Variants in RTKN2 observed in about 807,000 individuals in gnomAD.
RTKN2 encodes rhotekin 2.
A neutral mutation model predicts 71.5 loss-of-function variants in RTKN2; 69 were observed. That is an observed-to-expected ratio of 0.96 (90% CI 0.79 to 1.18). The LOEUF is 1.18. Among genes scored for constraint, RTKN2 ranks in the 50% most tolerant of loss-of-function variants. The pLI, the probability that RTKN2 is intolerant of heterozygous loss-of-function variation, is 0.00. For missense variants in RTKN2, 724 were observed against 719.7 expected, an observed-to-expected ratio of 1.01 and a Z score of -0.07; for synonymous variants, 236 against 236.5, an observed-to-expected ratio of 1.00 and a Z score of 0.02.
In RTKN2 at chr10:62,254,874, C is replaced by A. The variant is rs1194679466; in HGVS notation, c.257+7751G>T. ...GTCCTAGGTACTTGGGAGGCTGAGG[C>A]AGGAAGATCACTTGAACCCAGAAGT... On this transcript the variant is annotated intron_variant, in intron 2 of 11. Coordinates refer to ENST00000373789, the MANE Select transcript of RTKN2 (RefSeq NM_145307.4). Among the ~76,000 whole-genome samples, 3 of 152,062 alleles carry A rather than the reference C, an allele frequency of 2.0e-5. No homozygotes were observed. The East Asian group carries it at 5.8e-4, about 29-fold the overall frequency.
rs35517716 is a variant in RTKN2, at chr10:62,187,277, CA to C, written c.862-2891del. On this transcript the variant is annotated intron_variant, in intron 8 of 8. Coordinates refer to the RTKN2 transcript ENST00000315289. ...GGAACACTTTTGGCATCACAAATCA[CA>C]AAAAAAAAAAAAAGAAAAAACATAG... Among the ~76,000 whole-genome samples the C allele has an allele frequency of 2.2e-3, 261 of 120,172 alleles. 2 individuals carry two copies. Among genetic ancestry groups the C allele is most frequent in the East Asian group, 3.4e-3 (13 of 3,780 alleles). 78.8% of individuals were successfully genotyped at this position (120,172 alleles called of 152,430 possible).
chr10:62,189,037 T>C (rs1044704776), downstream of RTKN2, among the ~76,000 whole-genome samples: 4 of 148,914 alleles, frequency 2.7e-5, no homozygotes, highest in East Asian at 2.0e-4. Context: ...CGTGAGCCAC[T>C]GCGCCCGGCC....
chr10:62,219,800 C>T (rs946108656), intron 7 of RTKN2, among the ~76,000 whole-genome samples: 1 of 151,816 alleles, frequency 6.6e-6, no homozygotes, highest in African/African-American at 2.4e-5. Flanking sequence ...AAAAAAAAAT[C>T]TTGACATTCA....
At chr10:62,236,003 T>A in intron 6 of RTKN2, 63 bp downstream of exon 6, 1 of 1,186,350 alleles carries the variant, frequency 8.4e-7, no homozygotes, top group South Asian at 1.4e-5. Context: ...ACTTCACATA[T>A]AATACTTTAA....
intron 8 of RTKN2, 40 bp from the exon 9 acceptor site, chr10:62,217,289 TAA>T: frequency 7.2e-7 from 1 of 1,388,892 alleles, no homozygotes; most frequent in Non-Finnish European, 9.8e-7. Flanking sequence ...CTATCAATTT[TAA>T]GTTATTATCA....
At chr10:62,259,772 G>A (rs1444131748) in intron 2 of RTKN2, among the ~76,000 whole-genome samples, 1 of 151,974 alleles carries the variant, frequency 6.6e-6, no homozygotes, top group African/African-American at 2.4e-5. Flanking sequence ...AGCTGATCTC[G>A]AACTCCTGAG....
chr10:62,249,480 G>C (rs1301381942), intron 2 of RTKN2, among the ~76,000 whole-genome samples: 1 of 148,754 alleles, frequency 6.7e-6, no homozygotes, highest in Non-Finnish European at 1.5e-5. Flanking sequence ...TGGGGGTGGG[G>C]CGTCTACTTT....
chr10:62,188,735 ATTTAAATTT>A (rs551958955), downstream of RTKN2, among the ~76,000 whole-genome samples: 1,609 of 151,440 alleles, frequency 0.011, 32 homozygotes, highest in African/African-American at 0.037. Context: ...CTATATATAT[ATTTAAATTT>A]TTTAAATTTT....
chr10:62,246,050 T>C lies in RTKN2; in HGVS notation c.265A>G (p.Lys89Glu). 6.3e-7 allele frequency: 1 copy of C among 1,593,062 alleles called. No individual in the cohort carries two copies. Among genetic ancestry groups the C allele is most frequent in the East Asian group, 2.3e-5 (1 of 44,444 alleles). ...GCTGTTCGTTCTTTACTTTCAAATT[T>C]CACATCACTGTCAAAACAAAAAAAC... is the stretch of plus-strand genomic sequence containing the variant. ...IANQTGRCDV[K>E]FESKERTACK... is the part of the protein sequence containing the mutation. Residue 89 changes from lysine to glutamate, a missense_variant, in exon 3 of 12, where the codon AAA becomes GAA. Coordinates refer to ENST00000373789, the MANE Select transcript of RTKN2 (RefSeq NM_145307.4).
chr10:62,263,684 T>G (rs558779178), intron 1 of RTKN2, among the ~76,000 whole-genome samples: 1 of 152,242 alleles, frequency 6.6e-6, no homozygotes, highest in Admixed American at 6.5e-5. Flanking sequence ...TTTGTAACAG[T>G]AGGCAGTGTA....
At chr10:62,255,323 G>A (rs1035007371) in intron 2 of RTKN2, among the ~76,000 whole-genome samples, 5 of 152,156 alleles carry the variant, frequency 3.3e-5, no homozygotes, top group Admixed American at 6.5e-5. Context: ...CCCAGGTTTG[G>A]CATTCAAAAT....
chr10:62,253,816 G>T (rs1385878072), intron 2 of RTKN2, among the ~76,000 whole-genome samples: 1 of 151,814 alleles, frequency 6.6e-6, no homozygotes, highest in Admixed American at 6.6e-5. Context: ...ATCAACACTG[G>T]AAAAAGTGAT....
chr10:62,211,498 T>G (rs551932674), intron 9 of RTKN2, among the ~76,000 whole-genome samples: 4 of 152,334 alleles, frequency 2.6e-5, no homozygotes, highest in Admixed American at 2.6e-4. Context: ...GTGAAATTTA[T>G]GTTTTCAAAT....
At chr10:62,255,277 G>A (rs1279844512) in intron 2 of RTKN2, among the ~76,000 whole-genome samples, 2 of 152,074 alleles carry the variant, frequency 1.3e-5, no homozygotes, top group African/African-American at 4.8e-5. Flanking sequence ...AAGCCTAGAA[G>A]CAGTGATACC....
intron 1 of RTKN2, among the ~76,000 whole-genome samples, chr10:62,264,658 C>G (rs7100401): frequency 0.54 from 82,441 of 151,926 alleles, 23,416 homozygotes; most frequent in East Asian, 0.89. Context: ...TCTGGTGCCA[C>G]TAAATTCAAC....
intron 6 of RTKN2, among the ~76,000 whole-genome samples, chr10:62,223,780 T>C (rs1841960365): frequency 6.6e-6 from 1 of 152,080 alleles, no homozygotes; most frequent in Admixed American, 6.5e-5. Flanking sequence ...CCTCAAAAAA[T>C]AAGAAATAAA....
At chr10:62,217,370 T>A in intron 8 of RTKN2, 121 bp from the exon 9 acceptor site, 1 of 699,314 alleles carries the variant, frequency 1.4e-6, no homozygotes, top group East Asian at 3.0e-5. Context: ...GTGATGGAAT[T>A]ATCCATTAAT....
chr10:62,226,487 A>G (rs981875515), intron 6 of RTKN2, among the ~76,000 whole-genome samples: 3 of 152,244 alleles, frequency 2.0e-5, no homozygotes, highest in African/African-American at 7.2e-5. Context: ...CAATGTTTAT[A>G]TAGGAAAATT....
intron 6 of RTKN2, among the ~76,000 whole-genome samples, chr10:62,232,954 G>A (rs1297591362): frequency 1.3e-5 from 2 of 152,048 alleles, no homozygotes; most frequent in Non-Finnish European, 2.9e-5. Flanking sequence ...GGTCACAGAA[G>A]TAATAAATTA....
Sources: allele counts gnomAD v4.1 joint callset (sites outside exome capture counted in the v4.1 genomes callset), GRCh38; gene constraint gnomAD v4.1.1; transcripts MANE v1.5; gene names NCBI Gene and HGNC (gene_info 2026-07-23, HGNC 2026-07-21).